The following LMOD2 variants were observed in gnomAD, a reference collection of about 807,000 sequenced individuals.
LMOD2 encodes the protein leiomodin 2.
A neutral mutation model predicts 41.7 loss-of-function variants in LMOD2; 27 were observed. The observed-to-expected ratio is 0.65, with a 90% CI of 0.48 to 0.89. The LOEUF is 0.89. Among genes scored for constraint, LMOD2 ranks in the 40% least tolerant of loss-of-function variants. The pLI is 0.00. For synonymous variants in LMOD2, 251 were observed against 244.6 expected, an observed-to-expected ratio of 1.03 and a Z score of -0.25; for missense variants, 624 against 667.9, an observed-to-expected ratio of 0.93 and a Z score of 0.72.
At position 123,662,388 on chromosome 7, in the gene LMOD2, G is replaced by A. The variant is rs1264404616; in HGVS notation, c.802G>A (p.Glu268Lys). ...MAIAEMLKVN[E>K]HITNVNVESN... ...CATTGCAGAGATGCTCAAAGTCAAT[G>A]AGCACATCACCAACGTAAACGTCGA... The change falls in exon 2 of 3, where the codon GAG (glutamate) becomes AAG (lysine). Residue 268 changes from glutamate to lysine, a missense_variant. Glu to Lys is a moderately conservative substitution (Grantham distance 56). Coordinates refer to ENST00000458573, the MANE Select transcript of LMOD2 (RefSeq NM_207163.3). This position sits in a 1 kb window ranked among gnomAD's most constrained non-coding sequence, Gnocchi z 4.0. The A allele has an allele frequency of 1.9e-6, 3 of 1,613,610 alleles. No homozygotes were observed. The African/African-American group carries it at 4.0e-5, about 22-fold the overall frequency.
chr7:123,663,345 T>G, intron 2 of LMOD2, 142 bp downstream of exon 2: 3 of 1,087,226 alleles, frequency 2.8e-6, no homozygotes, highest in Non-Finnish European at 3.9e-6. Context: ...ACACCAAGTT[T>G]GAAACATTAG....
chr7:123,660,323 TCACA>T (rs35608504), intron 1 of LMOD2, among the ~76,000 whole-genome samples: 8 of 147,354 alleles, frequency 5.4e-5, no homozygotes, highest in African/African-American at 1.0e-4. Flanking sequence ...TCTCTCTCTC[TCACA>T]CACACACACA....
intron 1 of LMOD2, among the ~76,000 whole-genome samples, chr7:123,659,413 TC>T (rs1328951178): frequency 6.6e-6 from 1 of 152,190 alleles, no homozygotes; most frequent in East Asian, 1.9e-4. Flanking sequence ...AGACACCTTT[TC>T]CCCTTCTGTT....
At position 123,655,871 on chromosome 7, in the gene LMOD2, T is replaced by C; in HGVS notation, c.-93T>C. ...CCACAGCCACTCCTAGCACCAGTTGTTGACCAGCCTGCCACTTGCCTCCCT... is the reference window on the plus strand; with the variant it reads ...CCACAGCCACTCCTAGCACCAGTTGCTGACCAGCCTGCCACTTGCCTCCCT... On this transcript the variant is annotated 5_prime_UTR_variant, in exon 1 of 3. Coordinates refer to ENST00000458573, the MANE Select transcript of LMOD2 (RefSeq NM_207163.3). 1 of 1,193,544 alleles carries C rather than the reference T, an allele frequency of 8.4e-7. No homozygotes were observed. The highest frequency in any genetic ancestry group is 1.2e-6 in the Non-Finnish European group (1 of 854,742). 73.9% of individuals were successfully genotyped at this position (1,193,544 alleles called of 1,614,324 possible). A position where few individuals can be genotyped will look rare whatever the true frequency, so the allele number is the denominator to read the frequency against.
chr7:123,662,897 G>T lies in LMOD2; in HGVS notation c.1311G>T (p.Arg437Ser). The change falls in exon 2 of 3, where the codon AGG (arginine) becomes AGT (serine). Residue 437 changes from arginine to serine, a missense_variant. Physicochemically the swap from Arg to Ser is moderately radical, Grantham distance 110 (BLOSUM62 -1). Transcript: ENST00000458573. This position sits in a 1 kb window ranked among gnomAD's most constrained non-coding sequence, Gnocchi z 4.0. ...CTCCTCCCCCTCCTTCTTCCCAAAG[G>T]CTGCCACCACCTCCTCCTCCTCCCC... ...PPPPPPPSSQRLPPPPPPPPP... is the reference protein window; with the variant it reads ...PPPPPPPSSQSLPPPPPPPPP... The T allele has an allele frequency of 1.3e-6, 2 of 1,529,258 alleles. No homozygotes were observed. The highest frequency in any genetic ancestry group is 8.8e-7 in the Non-Finnish European group (1 of 1,137,430). 94.7% of individuals were successfully genotyped at this position (1,529,258 alleles called of 1,614,324 possible).
intron 2 of LMOD2, 103 bp from the exon 3 acceptor site, chr7:123,663,616 A>T: frequency 1.1e-6 from 1 of 929,678 alleles, no homozygotes; most frequent in African/African-American, 1.7e-5. Flanking sequence ...GCAATAATCA[A>T]CCTGAGTTCT....
chr7:123,662,569 T>C lies in LMOD2; in HGVS notation c.983T>C (p.Leu328Pro). The C allele has an allele frequency of 1.2e-6, 2 of 1,613,962 alleles. No homozygotes were observed. The highest frequency in any genetic ancestry group is 3.3e-5 in the Admixed American group (2 of 60,012). ...IVKLLKENTTLLRLGYHFELP... is the reference protein window; with the variant it reads ...IVKLLKENTTPLRLGYHFELP... Reference sequence around the variant, plus strand: ...AAGCTGCTGAAGGAGAACACGACGCTGCTGAGGCTGGGATACCATTTTGAA... The same window carrying C: ...AAGCTGCTGAAGGAGAACACGACGCCGCTGAGGCTGGGATACCATTTTGAA... The change falls in exon 2 of 3, where the codon CTG becomes CCG. Residue 328 changes from leucine (L) to proline (P), a missense_variant. Transcript: ENST00000458573. The surrounding 1 kb of genome is among the most constrained non-coding windows in gnomAD (Gnocchi z 4.0).
In LMOD2 at chr7:123,662,864, T is replaced by G; in HGVS notation, c.1278T>G (p.Pro426=). The part of the protein sequence containing the change: ...SPVATPPPPP[P]PPPPPPPSSQ... ...TGGCCACACCTCCTCCTCCTCCCCC[T>G]CCTCCTCCTCCTCCCCCTCCTTCTT... The change falls in exon 2 of 3, where the codon CCT becomes CCG. Residue 426 remains proline, a synonymous_variant. Transcript: ENST00000458573. The surrounding 1 kb of genome is among the most constrained non-coding windows in gnomAD (Gnocchi z 4.0). 1 of 924,506 alleles carries G rather than the reference T, an allele frequency of 1.1e-6. No individual in the cohort carries two copies. The highest frequency in any genetic ancestry group is 1.4e-6 in the Non-Finnish European group (1 of 695,564). The allele number at this position is 924,506 out of a possible 1,614,324, so 57.3% of individuals were successfully genotyped here.
chr7:123,663,698 G>A (rs755372077), intron 2 of LMOD2, 21 bp from the exon 3 acceptor site: 34 of 1,571,014 alleles, frequency 2.2e-5, no homozygotes, highest in Non-Finnish European at 2.9e-5. Flanking sequence ...TTCATTGAGA[G>A]AAAATCCGCT....
rs746188418 is a variant in LMOD2 at position 123,662,861 on chromosome 7, CCCT to C, written c.1290_1292del (p.Pro433del). 993 of 1,527,562 alleles carry C rather than the reference CCCT, an allele frequency of 6.5e-4. 1 individual carries two copies. Among genetic ancestry groups the C allele is most frequent in the African/African-American group, 3.1e-3 (224 of 72,408 alleles). 94.6% of individuals were successfully genotyped at this position (1,527,562 alleles called of 1,614,324 possible). A position where few individuals can be genotyped will look rare whatever the true frequency, so the allele number is the denominator to read the frequency against. ...CTGTGGCCACACCTCCTCCTCCTCC[CCCT>C]CCTCCTCCTCCTCCCCCTCCTTCTT... On this transcript the variant is annotated inframe_deletion, in exon 2 of 3. Coordinates refer to ENST00000458573, the MANE Select transcript of LMOD2 (RefSeq NM_207163.3). The surrounding 1 kb of genome is among the most constrained non-coding windows in gnomAD (Gnocchi z 4.0).
intron 1 of LMOD2, among the ~76,000 whole-genome samples, chr7:123,657,282 G>A (rs1333707095): frequency 6.6e-6 from 1 of 152,152 alleles, no homozygotes; most frequent in Non-Finnish European, 1.5e-5. Flanking sequence ...CATAGGTCAG[G>A]AGAAACAGTT....
At chr7:123,657,360 A>G (rs1178688761) in intron 1 of LMOD2, among the ~76,000 whole-genome samples, 1 of 152,224 alleles carries the variant, frequency 6.6e-6, no homozygotes, top group Non-Finnish European at 1.5e-5. Flanking sequence ...CAAGACTTCC[A>G]CAGTACTAAT....
Position 123,662,409 on chromosome 7 carries a change from G to A in LMOD2, c.823G>A (p.Val275Ile), listed in dbSNP as rs751388648. 1.1e-5 allele frequency: 17 copies of A among 1,613,908 alleles called. No homozygotes were observed. In the Admixed American group the frequency reaches 2.0e-4, roughly 19 times the overall value. ...CAATGAGCACATCACCAACGTAAAC[G>A]TCGAGTCCAACTTCATAACGGGAAA... is the stretch of plus-strand genomic sequence containing the variant. ...KVNEHITNVN[V>I]ESNFITGKGI... is the part of the protein sequence containing the mutation. The change falls in exon 2 of 3, where the codon GTC becomes ATC. Residue 275 changes from valine to isoleucine, a missense_variant. By Grantham distance (29) the Val-to-Ile change is conservative. Transcript: ENST00000458573. This position sits in a 1 kb window ranked among gnomAD's most constrained non-coding sequence, Gnocchi z 4.0.
At chr7:123,658,034 T>C (rs564866271) in intron 1 of LMOD2, among the ~76,000 whole-genome samples, 2 of 143,602 alleles carry the variant, frequency 1.4e-5, no homozygotes, top group African/African-American at 2.6e-5. Flanking sequence ...TCTCAGAATA[T>C]CCAGGCTGTA....
rs908959349 is a variant in LMOD2, at chr7:123,656,176, C to G, written c.213C>G (p.Ala71=). 1 of 1,610,006 alleles carries G rather than the reference C, an allele frequency of 6.2e-7. No homozygotes were observed. Among genetic ancestry groups the G allele is most frequent in the Non-Finnish European group, 8.5e-7 (1 of 1,178,272 alleles). Reference sequence around the variant, plus strand: ...CATTCAGCAGAGAGGCACTGATGGCCTATTGGGAAAAGGAGTCCCAAAAAC... The same window carrying G: ...CATTCAGCAGAGAGGCACTGATGGCGTATTGGGAAAAGGAGTCCCAAAAAC... ...TGTFSREALM[A]YWEKESQKLL... The change falls in exon 1 of 3, where the codon GCC becomes GCG. Residue 71 remains alanine (A), a synonymous_variant. Coordinates refer to ENST00000458573, the MANE Select transcript of LMOD2 (RefSeq NM_207163.3).
chr7:123,656,911 A>C (rs753676374), intron 1 of LMOD2, among the ~76,000 whole-genome samples: 6 of 152,212 alleles, frequency 3.9e-5, no homozygotes, highest in Non-Finnish European at 5.9e-5. Flanking sequence ...TTGATAAGTT[A>C]TGAACCTTCT....
chr7:123,658,663 C>T (rs1802828939), intron 1 of LMOD2, among the ~76,000 whole-genome samples: 1 of 152,218 alleles, frequency 6.6e-6, no homozygotes, highest in South Asian at 2.1e-4. Flanking sequence ...TATCTCACTT[C>T]ATTTTTAACT....
Position 123,662,451 on chromosome 7 carries a change from A to G in LMOD2, c.865A>G (p.Met289Val). 1 of 1,613,940 alleles carries G rather than the reference A, an allele frequency of 6.2e-7. No homozygotes were observed. The highest frequency in any genetic ancestry group is 8.5e-7 in the Non-Finnish European group (1 of 1,179,882). ...FITGKGILAI[M>V]RALQHNTVLT... ...AACGGGAAAGGGGATCCTGGCCATC[A>G]TGAGAGCTCTCCAGCACAACACGGT... is the stretch of plus-strand genomic sequence containing the variant. The change falls in exon 2 of 3, where the codon ATG (methionine) becomes GTG (valine). Residue 289 changes from methionine (M) to valine (V), a missense_variant. Met to Val is a conservative substitution (Grantham distance 21, BLOSUM62 1). Transcript: ENST00000458573. This position sits in a 1 kb window ranked among gnomAD's most constrained non-coding sequence, Gnocchi z 4.0.
rs181142678 is a variant in LMOD2 at position 123,662,317 on chromosome 7, C to T, written c.731C>T (p.Thr244Met). 62 of 1,614,006 alleles carry T rather than the reference C, an allele frequency of 3.8e-5. No individual in the cohort carries two copies. The East Asian group carries it at 6.7e-4, about 17-fold the overall frequency. The change falls in exon 2 of 3, where the codon ACG (threonine) becomes ATG (methionine). Residue 244 changes from threonine (T) to methionine (M), a missense_variant. Thr to Met is a moderately conservative substitution (Grantham distance 81). Transcript: ENST00000458573. This position sits in a 1 kb window ranked among gnomAD's most constrained non-coding sequence, Gnocchi z 4.0. ...EALKDNTVVK[T>M]FSLANTHADD... ...CTCAAGGACAACACTGTGGTGAAGA[C>T]GTTCAGTCTGGCCAACACGCATGCC...
Sources: allele counts gnomAD v4.1 joint callset (sites outside exome capture counted in the v4.1 genomes callset), GRCh38; gene constraint gnomAD v4.1.1; non-coding constraint Gnocchi (gnomAD v3.1); transcripts MANE v1.5; gene names NCBI Gene and HGNC (gene_info 2026-07-23, HGNC 2026-07-21).